Variants in FGF12 observed in about 807,000 individuals in gnomAD.
The protein encoded by FGF12 is fibroblast growth factor 12.
A neutral mutation model predicts 23.6 loss-of-function variants in FGF12; 14 were observed. The observed-to-expected ratio is 0.59, with a 90% CI of 0.39 to 0.93. FGF12 has a LOEUF of 0.93. Ranked by LOEUF, FGF12 falls within the 40% of genes least tolerant of loss-of-function variation. FGF12 has a pLI of 0.00. For missense variants in FGF12, 175 were observed against 217.8 expected, an observed-to-expected ratio of 0.80 and a Z score of 1.24; for synonymous variants, 62 against 77.3, an observed-to-expected ratio of 0.80 and a Z score of 1.04.
chr3:192,337,606 C>T (rs1201144699), intron 3 of FGF12, among the ~76,000 whole-genome samples: 1 of 152,192 alleles, frequency 6.6e-6, no homozygotes, highest in Non-Finnish European at 1.5e-5. Context: ...AGTTTCTAAA[C>T]CCTCCACTCA....
At chr3:192,658,225 A>G (rs1410715399) in intron 2 of FGF12, among the ~76,000 whole-genome samples, 1 of 152,264 alleles carries the variant, frequency 6.6e-6, no homozygotes, top group Non-Finnish European at 1.5e-5. Flanking sequence ...ATAGTTTTAT[A>G]CAAACAAAAT....
intron 2 of FGF12, among the ~76,000 whole-genome samples, chr3:192,688,018 C>T (rs1201460552): frequency 1.3e-5 from 2 of 151,948 alleles, no homozygotes; most frequent in African/African-American, 4.8e-5. Context: ...TGCCTTCAGC[C>T]AGCAACTGAC....
chr3:192,363,444 G>C (rs1438980495), intron 2 of FGF12, among the ~76,000 whole-genome samples: 4 of 152,112 alleles, frequency 2.6e-5, no homozygotes, highest in African/African-American at 9.7e-5. Flanking sequence ...ATGAGCATCA[G>C]ACTCTGAGCA....
chr3:192,618,312 T>C (rs541927323), intron 2 of FGF12, among the ~76,000 whole-genome samples: 2 of 152,130 alleles, frequency 1.3e-5, no homozygotes, highest in African/African-American at 2.4e-5. Flanking sequence ...GCTGATAGAA[T>C]TGCATTCCAA....
intron 4 of FGF12, among the ~76,000 whole-genome samples, chr3:192,254,915 T>C (rs1053565467): frequency 6.6e-6 from 1 of 152,112 alleles, no homozygotes; most frequent in African/African-American, 2.4e-5. Flanking sequence ...GGTAACATTA[T>C]ATAATTTTTG....
intron 3 of FGF12, among the ~76,000 whole-genome samples, chr3:192,344,354 T>G (rs927975809): frequency 6.6e-6 from 1 of 151,476 alleles, no homozygotes; most frequent in African/African-American, 2.5e-5. Flanking sequence ...TTTTAAAATG[T>G]TATGGGAGAA....
At position 192,625,001 on chromosome 3, in the gene FGF12, G is replaced by A. The variant is rs992697359; in HGVS notation, c.13+102180C>T. The stretch of plus-strand genomic sequence containing the variant: ...TGCTCTGTCTACTTAACAAGCTTGG[G>A]AAATAGTCCATATAGCACATTAAAA... On this transcript the variant is annotated intron_variant, in intron 2 of 5. Coordinates refer to ENST00000445105, the MANE Select transcript of FGF12 (RefSeq NM_004113.6). Among the ~76,000 whole-genome samples the A allele has an allele frequency of 3.3e-5, 5 of 152,146 alleles. No individual in the cohort carries two copies. In the South Asian group the frequency reaches 8.3e-4, roughly 25 times the overall value.
intron 2 of FGF12, among the ~76,000 whole-genome samples, chr3:192,708,120 C>T (rs1445360591): frequency 9.9e-5 from 15 of 151,986 alleles, no homozygotes; most frequent in African/African-American, 3.1e-4. Flanking sequence ...CCACCACACC[C>T]GGCCAATTTT....
At chr3:192,375,963 G>A (rs892283590) in intron 2 of FGF12, among the ~76,000 whole-genome samples, 5 of 152,052 alleles carry the variant, frequency 3.3e-5, no homozygotes, top group African/African-American at 1.2e-4. Flanking sequence ...TCATCATAAT[G>A]TGATTTTATA....
intron 2 of FGF12, among the ~76,000 whole-genome samples, chr3:192,373,434 A>G (rs1252831341): frequency 1.3e-5 from 2 of 152,266 alleles, no homozygotes; most frequent in East Asian, 3.9e-4. Context: ...CTTACAAGCT[A>G]TTTTTAATAA....
chr3:192,461,128 T>C (rs1722850057), intron 2 of FGF12, among the ~76,000 whole-genome samples: 1 of 152,140 alleles, frequency 6.6e-6, no homozygotes, highest in Non-Finnish European at 1.5e-5. Flanking sequence ...ATTCAGAAAA[T>C]GCAATCATTT....
At chr3:192,221,796 A>G (rs1353527885) in intron 4 of FGF12, among the ~76,000 whole-genome samples, 1 of 152,136 alleles carries the variant, frequency 6.6e-6, no homozygotes, top group Non-Finnish European at 1.5e-5. Context: ...TTAAGATACA[A>G]TCCTGTCTCT....
At chr3:192,518,405 G>A (rs1349451414) in intron 2 of FGF12, among the ~76,000 whole-genome samples, 1 of 152,090 alleles carries the variant, frequency 6.6e-6, no homozygotes, top group African/African-American at 2.4e-5. Context: ...ATTAATAATT[G>A]TGTAAGGGAG....
At chr3:192,247,450 C>T (rs1003382902) in intron 4 of FGF12, among the ~76,000 whole-genome samples, 8 of 152,176 alleles carry the variant, frequency 5.3e-5, no homozygotes, top group Admixed American at 5.2e-4. Flanking sequence ...TCAATGGACT[C>T]TGCTCACCTC....
At chr3:192,456,658 C>A (rs1164052596) in intron 2 of FGF12, among the ~76,000 whole-genome samples, 1 of 151,962 alleles carries the variant, frequency 6.6e-6, no homozygotes, top group Non-Finnish European at 1.5e-5. Context: ...GACTTAAATA[C>A]CACCACCTAG....
intron 2 of FGF12, among the ~76,000 whole-genome samples, chr3:192,653,098 A>G (rs1308868622): frequency 6.6e-6 from 1 of 152,200 alleles, no homozygotes; most frequent in African/African-American, 2.4e-5. Flanking sequence ...AAATTGTGAA[A>G]TGCTCTTTAG....
intron 2 of FGF12, among the ~76,000 whole-genome samples, chr3:192,442,437 T>A (rs1183850710): frequency 6.6e-6 from 1 of 152,150 alleles, no homozygotes; most frequent in Non-Finnish European, 1.5e-5. Context: ...GAAAAGATAA[T>A]AGACTCAAGA....
intron 2 of FGF12, among the ~76,000 whole-genome samples, chr3:192,450,258 T>A (rs1467664549): frequency 6.6e-6 from 1 of 152,138 alleles, no homozygotes; most frequent in African/African-American, 2.4e-5. Context: ...TATAGCAATC[T>A]CCTTCCAACT....
intron 2 of FGF12, among the ~76,000 whole-genome samples, chr3:192,576,645 T>A (rs1213551268): frequency 6.6e-6 from 1 of 152,082 alleles, no homozygotes; most frequent in Non-Finnish European, 1.5e-5. Flanking sequence ...GAATACTTGA[T>A]GGTATGGAAA....
Sources: allele counts gnomAD v4.1 joint callset (sites outside exome capture counted in the v4.1 genomes callset), GRCh38; gene constraint gnomAD v4.1.1; transcripts MANE v1.5; gene names NCBI Gene and HGNC (gene_info 2026-07-23, HGNC 2026-07-21).